The following VSTM4 variants were observed in gnomAD, a reference collection of about 807,000 sequenced individuals.
The protein encoded by VSTM4 is V-set and transmembrane domain-containing protein 4.
A neutral mutation model predicts 36.4 loss-of-function variants in VSTM4; 20 were observed. That is an observed-to-expected ratio of 0.55 (90% CI 0.39 to 0.80). VSTM4 has a LOEUF of 0.80. Ranked by LOEUF, VSTM4 falls within the 30% of genes least tolerant of loss-of-function variation. The probability of loss-of-function intolerance (pLI) is 0.00; values close to 1 mark genes in which losing one functional copy is unlikely to be tolerated. For missense variants in VSTM4, 392 were observed against 404.5 expected (o/e 0.97, Z 0.26); for synonymous variants, 182 against 173.9 (o/e 1.05, Z -0.37).
chr10:49,055,597 AC>A (rs1478955391), intron 5 of VSTM4, among the ~76,000 whole-genome samples: 1 of 152,194 alleles, frequency 6.6e-6, no homozygotes, highest in Non-Finnish European at 1.5e-5. Flanking sequence ...ACTCATGCAA[AC>A]AGGGGGAGTT....
chr10:49,077,193 A>G, intron 4 of VSTM4, 26 bp downstream of exon 4: 1 of 1,610,454 alleles, frequency 6.2e-7, no homozygotes, highest in Non-Finnish European at 8.5e-7. Flanking sequence ...CTCCCATCCC[A>G]GACATGACCT....
At chr10:49,093,786 C>T (rs947505735) in intron 2 of VSTM4, among the ~76,000 whole-genome samples, 5 of 129,774 alleles carry the variant, frequency 3.9e-5, no homozygotes, top group African/African-American at 8.9e-5. Context: ...CTTGCTTCGT[C>T]GCCCAGGCTG....
chr10:49,044,410 A>AAGAAGGAAGGAAG (rs1491339926), intron 7 of VSTM4, among the ~76,000 whole-genome samples: 1 of 150,766 alleles, frequency 6.6e-6, no homozygotes, highest in African/African-American at 2.5e-5. Context: ...AGAAAAAGAA[A>AAGAAGGAAGGAAG]GAGAGAAAGA....
intron 7 of VSTM4, among the ~76,000 whole-genome samples, chr10:49,036,325 G>C (rs968310272): frequency 1.3e-5 from 2 of 152,180 alleles, no homozygotes; most frequent in Non-Finnish European, 2.9e-5. Context: ...CTGCAAAAAT[G>C]GTACTAGCGT....
chr10:49,077,993 G>GAA lies in VSTM4; in HGVS notation c.527-669_527-668dup, dbSNP rs145019057. On this transcript the variant is annotated intron_variant, in intron 3 of 7. Transcript: ENST00000332853. The stretch of plus-strand genomic sequence containing the variant: ...AACCACACAATCCTGTTGGAGAAAT[G>GAA]AAAAAAAAAAAAATACAGACATTTC... Among the ~76,000 whole-genome samples, 527 of 142,158 alleles carry GAA rather than the reference G, an allele frequency of 3.7e-3. 1 individual carries two copies. The highest frequency in any genetic ancestry group is 0.013 in the African/African-American group (502 of 38,814). The allele number at this position is 142,158 out of a possible 152,430, so 93.3% of individuals were successfully genotyped here.
At chr10:49,073,097 T>G (rs1249166405) in intron 4 of VSTM4, among the ~76,000 whole-genome samples, 2 of 152,340 alleles carry the variant, frequency 1.3e-5, no homozygotes, top group East Asian at 3.9e-4. Context: ...CTTTCTGTCC[T>G]ATCATATCAT....
At chr10:49,082,177 C>T (rs770598910) in intron 3 of VSTM4, among the ~76,000 whole-genome samples, 1 of 152,210 alleles carries the variant, frequency 6.6e-6, no homozygotes, top group Non-Finnish European at 1.5e-5. Context: ...AATGCCCGCC[C>T]AGTGGTGCCA....
chr10:49,088,669 T>A (rs1360899233), intron 2 of VSTM4, among the ~76,000 whole-genome samples: 1 of 152,258 alleles, frequency 6.6e-6, no homozygotes, highest in Non-Finnish European at 1.5e-5. Context: ...AGGCCTGGCA[T>A]GTTGTATTTA....
In VSTM4 at chr10:49,018,823, G is replaced by C. The variant is rs1188427304; in HGVS notation, c.*827C>G. ...GCAGACACCTTCAGGGGCTGAATCAGAGGTGACTGAGCTTGGCACACAGTG... is the reference window on the plus strand; with the variant it reads ...GCAGACACCTTCAGGGGCTGAATCACAGGTGACTGAGCTTGGCACACAGTG... On this transcript the variant is annotated 3_prime_UTR_variant, in exon 8 of 8. Coordinates refer to ENST00000332853, the MANE Select transcript of VSTM4 (RefSeq NM_001031746.5). 1 of 152,244 alleles carries C rather than the reference G, an allele frequency of 6.6e-6. No homozygotes were observed. The highest frequency in any genetic ancestry group is 1.5e-5 in the Non-Finnish European group (1 of 68,032). The allele number at this position is 152,244 out of a possible 1,614,324, so 9.4% of individuals were successfully genotyped here. A position where few individuals can be genotyped will look rare whatever the true frequency, so the allele number is the denominator to read the frequency against.
intron 2 of VSTM4, among the ~76,000 whole-genome samples, chr10:49,092,143 C>T (rs1844486636): frequency 6.6e-6 from 1 of 152,192 alleles, no homozygotes; most frequent in South Asian, 2.1e-4. Flanking sequence ...CCTTAGTGCT[C>T]TAAAGCCATA....
At chr10:49,070,768 T>C (rs1844063422) in intron 4 of VSTM4, among the ~76,000 whole-genome samples, 1 of 152,192 alleles carries the variant, frequency 6.6e-6, no homozygotes, top group Non-Finnish European at 1.5e-5. Context: ...AGATGGGTGC[T>C]CAGGGGGCCT....
intron 5 of VSTM4, among the ~76,000 whole-genome samples, chr10:49,050,938 G>A (rs1282273678): frequency 6.6e-6 from 1 of 152,032 alleles, no homozygotes; most frequent in African/African-American, 2.4e-5. Flanking sequence ...ACATTGAGTG[G>A]AAGATAGATT....
At chr10:49,091,236 T>A (rs1288284758) in intron 2 of VSTM4, among the ~76,000 whole-genome samples, 4 of 152,152 alleles carry the variant, frequency 2.6e-5, no homozygotes, top group Admixed American at 2.0e-4. Flanking sequence ...TAGCACCCAA[T>A]GGGCAGAGCC....
chr10:49,109,379 G>A (rs1844851662), intron 1 of VSTM4, among the ~76,000 whole-genome samples: 1 of 152,198 alleles, frequency 6.6e-6, no homozygotes, highest in African/African-American at 2.4e-5. Flanking sequence ...AGGGATGGTA[G>A]ATACAAACTA....
rs945314713 is a variant in VSTM4 at position 49,074,290 on chromosome 10, G to T, written c.634+2929C>A. ...GGTACACATAGTATAGCTCATCTATGAATTTCATTTTAAAATAGTAGAGAT... is the reference window on the plus strand; with the variant it reads ...GGTACACATAGTATAGCTCATCTATTAATTTCATTTTAAAATAGTAGAGAT... On this transcript the variant is annotated intron_variant, in intron 4 of 7. Transcript: ENST00000332853. Among the ~76,000 whole-genome samples, 11 of 152,166 alleles carry T rather than the reference G, an allele frequency of 7.2e-5. 1 individual carries two copies. The highest frequency in any genetic ancestry group is 4.4e-5 in the Non-Finnish European group (3 of 68,036).
intron 2 of VSTM4, chr10:49,104,001 G>T: frequency 1.4e-6 from 1 of 701,758 alleles, no homozygotes. Context: ...CATCCTTGTT[G>T]TTCTGTGTTT....
At chr10:49,056,241 G>A (rs774312661) in intron 5 of VSTM4, among the ~76,000 whole-genome samples, 1 of 152,234 alleles carries the variant, frequency 6.6e-6, no homozygotes, top group African/African-American at 2.4e-5. Flanking sequence ...TTCCCTGCTG[G>A]CTTCATGAAG....
At chr10:49,033,181 G>T (rs1843373441) in intron 7 of VSTM4, among the ~76,000 whole-genome samples, 2 of 152,174 alleles carry the variant, frequency 1.3e-5, no homozygotes, top group African/African-American at 2.4e-5. Context: ...TTAAAGAAAT[G>T]ATGATACTGT....
chr10:49,061,715 T>G (rs1054892456), intron 5 of VSTM4, among the ~76,000 whole-genome samples: 2 of 152,174 alleles, frequency 1.3e-5, no homozygotes, highest in African/African-American at 4.8e-5. Context: ...TTTTATTGTT[T>G]GTGTGTTATA....
Sources: gnomAD v4.1 joint callset for allele counts (sites outside exome capture counted in the v4.1 genomes callset) on GRCh38, gnomAD v4.1.1 for gene constraint, MANE v1.5 for transcripts, NCBI Gene and HGNC (gene_info 2026-07-23, HGNC 2026-07-21) for gene names.